The following PTER variants were observed in gnomAD, a reference collection of about 807,000 sequenced individuals.
PTER encodes the protein phosphotriesterase related.
PTER carries 38 observed loss-of-function variants against 29.6 expected under a neutral mutation model. That is an observed-to-expected ratio of 1.28 (90% confidence interval 0.99 to 1.68). The LOEUF (loss-of-function observed/expected upper bound fraction) is 1.68, where lower values mean the gene tolerates loss of function less well. PTER is among the 40% of genes most tolerant of loss of function. The pLI, the probability that PTER is intolerant of heterozygous loss-of-function variation, is 0.00. For missense variants in PTER, 482 were observed against 427.8 expected (o/e 1.13, Z -1.12); for synonymous variants, 172 against 154.5 (o/e 1.11, Z -0.84).
intron 3 of PTER, among the ~76,000 whole-genome samples, chr10:16,503,065 C>CTTTTTTTTTTTTTT (rs541383811): frequency 4.3e-5 from 3 of 69,430 alleles, no homozygotes; most frequent in East Asian, 5.1e-4. Flanking sequence ...CATGATAGTG[C>CTTTTTTTTTTTTTT]TTTTTTTTTT....
At chr10:16,518,513 G>A (rs73595371), downstream of PTER, among the ~76,000 whole-genome samples, 11,826 of 152,216 alleles carry the variant, frequency 0.078, 498 homozygotes, top group African/African-American at 0.096. Context: ...ACCCCAAACA[G>A]TGAAATAATT....
intron 1 of PTER, among the ~76,000 whole-genome samples, chr10:16,462,570 CT>C (rs1293360557): frequency 1.3e-3 from 159 of 126,940 alleles, no homozygotes; most frequent in South Asian, 0.011. Flanking sequence ...ACATAATCTA[CT>C]TTTTTTTTTT....
intron 1 of PTER, among the ~76,000 whole-genome samples, chr10:16,449,428 C>CTTTTTTTT (rs35475659): frequency 1.7e-4 from 17 of 101,854 alleles, no homozygotes; most frequent in Middle Eastern, 9.6e-3. Context: ...CAATAATTTT[C>CTTTTTTTT]TTTTTTTTTT....
At chr10:16,465,922 C>T (rs752186579) in intron 1 of PTER, among the ~76,000 whole-genome samples, 4 of 152,100 alleles carry the variant, frequency 2.6e-5, no homozygotes, top group Non-Finnish European at 5.9e-5. Flanking sequence ...CTCATGAGAA[C>T]CCACTAACTA....
At chr10:16,509,977 A>G (rs989308616) in intron 4 of PTER, among the ~76,000 whole-genome samples, 37 of 152,300 alleles carry the variant, frequency 2.4e-4, no homozygotes, top group African/African-American at 8.4e-4. Context: ...GTTATTAAAT[A>G]TGACTCATGT....
chr10:16,479,889 C>T (rs1835413796), intron 1 of PTER, among the ~76,000 whole-genome samples: 1 of 151,740 alleles, frequency 6.6e-6, no homozygotes, highest in Non-Finnish European at 1.5e-5. Context: ...CTGCAAAAAA[C>T]CCTGAGATGC....
chr10:16,478,640 A>T (rs1835367972), intron 1 of PTER, among the ~76,000 whole-genome samples: 1 of 139,988 alleles, frequency 7.1e-6, no homozygotes, highest in Non-Finnish European at 1.5e-5. Flanking sequence ...AGCCCCATTT[A>T]AAAAAAAAAA....
At chr10:16,445,254 AGT>A (rs1258577369) in intron 1 of PTER, among the ~76,000 whole-genome samples, 1 of 152,142 alleles carries the variant, frequency 6.6e-6, no homozygotes, top group African/African-American at 2.4e-5. Flanking sequence ...TCTGTAGAAA[AGT>A]GTTGTTGAGG....
chr10:16,502,931 T>C (rs915741919), intron 3 of PTER, among the ~76,000 whole-genome samples: 4 of 146,148 alleles, frequency 2.7e-5, no homozygotes, highest in Non-Finnish European at 3.0e-5. Context: ...GGAGGTTGCA[T>C]TGAGCCGAGA....
chr10:16,479,310 C>G (rs539113276), intron 1 of PTER, among the ~76,000 whole-genome samples: 1 of 152,140 alleles, frequency 6.6e-6, no homozygotes, highest in South Asian at 2.1e-4. Context: ...GTTATAAATG[C>G]ACATGCAGTA....
chr10:16,472,003 A>G (rs1835072959), intron 1 of PTER, among the ~76,000 whole-genome samples: 1 of 152,200 alleles, frequency 6.6e-6, no homozygotes, highest in Admixed American at 6.5e-5. Flanking sequence ...CTCCACGCTC[A>G]CTACAATCTT....
chr10:16,515,501 T>A (rs1224205081), downstream of PTER, among the ~76,000 whole-genome samples: 1 of 152,220 alleles, frequency 6.6e-6, no homozygotes, highest in East Asian at 1.9e-4. Flanking sequence ...AATTTTTGAA[T>A]GATTTCGTTG....
intron 1 of PTER, among the ~76,000 whole-genome samples, chr10:16,471,216 G>A (rs566443200): frequency 6.6e-6 from 1 of 152,318 alleles, no homozygotes; most frequent in East Asian, 1.9e-4. Flanking sequence ...TCTCAGGCAA[G>A]ACAGGCAATT....
At chr10:16,451,023 C>G (rs1051849643) in intron 1 of PTER, among the ~76,000 whole-genome samples, 2 of 152,166 alleles carry the variant, frequency 1.3e-5, no homozygotes, top group Middle Eastern at 3.2e-3. Context: ...CCCCAAAACG[C>G]ACTAAAGAAC....
At chr10:16,504,897 G>A in intron 3 of PTER, 123 bp from the exon 4 acceptor site, 1 of 1,049,976 alleles carries the variant, frequency 9.5e-7, no homozygotes, top group Non-Finnish European at 1.4e-6. Flanking sequence ...CATTTCAGAA[G>A]TGTCTGTTAC....
intron 1 of PTER, among the ~76,000 whole-genome samples, chr10:16,469,862 G>A (rs1474561502): frequency 2.0e-5 from 3 of 151,668 alleles, no homozygotes; most frequent in Admixed American, 1.3e-4. Flanking sequence ...GTTATAGCAT[G>A]AGCCACCGTG....
chr10:16,493,475 T>C (rs1028695297), intron 3 of PTER, among the ~76,000 whole-genome samples: 2 of 152,168 alleles, frequency 1.3e-5, no homozygotes, highest in Non-Finnish European at 2.9e-5. Context: ...CTTGCTATGT[T>C]TCCCAAGTTA....
chr10:16,446,234 T>G (rs79461182), intron 1 of PTER, among the ~76,000 whole-genome samples: 190 of 151,946 alleles, frequency 1.3e-3, no homozygotes, highest in Non-Finnish European at 2.5e-3. Flanking sequence ...TTTTTTTTTT[T>G]TGAGATAGAG....
At chr10:16,437,777 GT>G (rs1833702773) in intron 1 of PTER, among the ~76,000 whole-genome samples, 1 of 152,204 alleles carries the variant, frequency 6.6e-6, no homozygotes, top group Non-Finnish European at 1.5e-5. Flanking sequence ...CTGCTGGAAA[GT>G]TTAGAGATGG....
Sources: gnomAD v4.1 joint callset for allele counts (sites outside exome capture counted in the v4.1 genomes callset) on GRCh38, gnomAD v4.1.1 for gene constraint, MANE v1.5 for transcripts, NCBI Gene and HGNC (gene_info 2026-07-23, HGNC 2026-07-21) for gene names.